The following GRM1 variants were observed in gnomAD, a reference collection of about 807,000 sequenced individuals.
GRM1 encodes glutamate metabotropic receptor 1.
In GRM1, 33 loss-of-function variants were observed where a neutral mutation model predicts 90.9. The ratio of observed to expected loss-of-function variants is 0.36; its 90% CI spans 0.28 to 0.49. The LOEUF is 0.49. Ranked by LOEUF, GRM1 falls within the 20% of genes least tolerant of loss-of-function variation. The pLI is 0.99. For synonymous variants in GRM1, 700 were observed against 613.2 expected, an observed-to-expected ratio of 1.14 and a Z score of -2.09; for missense variants, 1,190 against 1,534.3, an observed-to-expected ratio of 0.78 and a Z score of 3.75.
chr6:146,383,555 T>C (rs1776395514), intron 5 of GRM1, among the ~76,000 whole-genome samples: 1 of 152,150 alleles, frequency 6.6e-6, no homozygotes, highest in African/African-American at 2.4e-5. Flanking sequence ...GTGAATTTTT[T>C]CAGAAAAGAC....
chr6:146,375,462 T>A (rs1174492983), intron 5 of GRM1, among the ~76,000 whole-genome samples: 1 of 152,076 alleles, frequency 6.6e-6, no homozygotes, highest in Non-Finnish European at 1.5e-5. Flanking sequence ...ATTTTCTGAC[T>A]GAAAGATCTG....
At chr6:146,246,118 G>C (rs943478655) in intron 2 of GRM1, among the ~76,000 whole-genome samples, 6 of 152,178 alleles carry the variant, frequency 3.9e-5, no homozygotes, top group African/African-American at 1.4e-4. Flanking sequence ...CTGTCTCTTT[G>C]TGCTTGAAGT....
At chr6:146,121,428 C>T (rs948860610) in intron 1 of GRM1, among the ~76,000 whole-genome samples, 4 of 152,104 alleles carry the variant, frequency 2.6e-5, no homozygotes, top group African/African-American at 7.2e-5. Flanking sequence ...TTTTGTGTCT[C>T]TATCTCCTTC....
chr6:146,352,423 C>A lies in GRM1; in HGVS notation c.1360C>A (p.Leu454Ile). Residue 454 changes from leucine (L) to isoleucine (I), a missense_variant, in exon 4 of 8, where the codon CTC becomes ATC. Physicochemically the swap from Leu to Ile is conservative, Grantham distance 5 (BLOSUM62 2). Around this residue, in one of 10 missense-constraint regions of GRM1, gnomAD observed 414 missense variants for 598.4 expected, o/e 0.69. Coordinates refer to ENST00000282753, the MANE Select transcript of GRM1 (RefSeq NM_001278064.2). ...CGACGGCAGCAAGCTGCTGGACTTC[C>A]TCATCAAGTCCTCATTCATTGGAGT... ...PIDGSKLLDF[L>I]IKSSFIGVSG... 1.2e-6 allele frequency: 2 copies of A among 1,613,258 alleles called. No homozygotes were observed. The highest frequency in any genetic ancestry group is 2.7e-5 in the African/African-American group (2 of 75,054).
intron 1 of GRM1, among the ~76,000 whole-genome samples, chr6:146,127,754 T>C (rs1427063748): frequency 6.6e-6 from 1 of 152,202 alleles, no homozygotes; most frequent in Non-Finnish European, 1.5e-5. Flanking sequence ...TCAGTTTCCT[T>C]ATTTGTAAAA....
At chr6:146,356,893 G>C (rs1785604871) in intron 4 of GRM1, among the ~76,000 whole-genome samples, 1 of 152,128 alleles carries the variant, frequency 6.6e-6, no homozygotes, top group African/African-American at 2.4e-5. Context: ...TGCAGGTTTT[G>C]CCATTGTGTA....
chr6:146,278,066 T>C (rs1229886868), intron 2 of GRM1, among the ~76,000 whole-genome samples: 2 of 152,114 alleles, frequency 1.3e-5, no homozygotes. Context: ...ATCATTTGGA[T>C]TCAAGATTAA....
chr6:146,053,228 A>G (rs919199006), intron 1 of GRM1, among the ~76,000 whole-genome samples: 1 of 152,100 alleles, frequency 6.6e-6, no homozygotes, highest in Non-Finnish European at 1.5e-5. Context: ...CTTTTAAATC[A>G]TTCACTTCAC....
At chr6:146,320,627 T>C (rs991813255) in intron 3 of GRM1, among the ~76,000 whole-genome samples, 1 of 152,106 alleles carries the variant, frequency 6.6e-6, no homozygotes, top group Non-Finnish European at 1.5e-5. Context: ...AGGCTATTAA[T>C]TATTGCCTCA....
intron 2 of GRM1, among the ~76,000 whole-genome samples, chr6:146,200,626 TG>T (rs1779268617): frequency 6.6e-6 from 1 of 152,144 alleles, no homozygotes; most frequent in African/African-American, 2.4e-5. Context: ...GTATTACTTC[TG>T]GGACCCCCTG....
chr6:146,144,876 G>A (rs1188390431), intron 1 of GRM1, among the ~76,000 whole-genome samples: 2 of 152,186 alleles, frequency 1.3e-5, no homozygotes, highest in Non-Finnish European at 1.5e-5. Context: ...AACATAGATC[G>A]TAAAGGCCAT....
chr6:146,325,457 A>G (rs1459992375), intron 3 of GRM1, among the ~76,000 whole-genome samples: 1 of 152,178 alleles, frequency 6.6e-6, no homozygotes, highest in African/African-American at 2.4e-5. Flanking sequence ...TAGTACAAAG[A>G]TTGTTGAACA....
chr6:146,114,643 A>C (rs950026904), intron 1 of GRM1, among the ~76,000 whole-genome samples: 13 of 152,168 alleles, frequency 8.5e-5, no homozygotes, highest in African/African-American at 2.7e-4. Context: ...TAGTAAGTAA[A>C]AGCAGGCTGA....
intron 1 of GRM1, among the ~76,000 whole-genome samples, chr6:146,075,062 A>G (rs1236784000): frequency 1.3e-5 from 2 of 152,208 alleles, no homozygotes. Flanking sequence ...CAATGTAATC[A>G]TATATCATAA....
At chr6:146,291,400 T>A (rs1197017571) in intron 2 of GRM1, among the ~76,000 whole-genome samples, 3 of 150,940 alleles carry the variant, frequency 2.0e-5, no homozygotes, top group Non-Finnish European at 4.4e-5. Flanking sequence ...ATATATTTAT[T>A]TTATACTTTG....
chr6:146,392,472 A>G (rs1199226754), intron 6 of GRM1, among the ~76,000 whole-genome samples: 1 of 152,190 alleles, frequency 6.6e-6, no homozygotes, highest in African/African-American at 2.4e-5. Flanking sequence ...ATCTAAACTC[A>G]TGCAATCTTT....
At chr6:146,364,085 T>C (rs1775590406) in intron 5 of GRM1, among the ~76,000 whole-genome samples, 2 of 152,352 alleles carry the variant, frequency 1.3e-5, no homozygotes, top group Non-Finnish European at 2.9e-5. Context: ...CTAGGTCACA[T>C]TGTAAATCAT....
intron 3 of GRM1, among the ~76,000 whole-genome samples, chr6:146,329,483 C>T (rs1169161519): frequency 6.6e-6 from 1 of 151,926 alleles, no homozygotes; most frequent in Non-Finnish European, 1.5e-5. Context: ...CAGGGTGTTG[C>T]GAGAGATTGG....
chr6:146,368,492 A>C (rs555091240), intron 5 of GRM1, among the ~76,000 whole-genome samples: 55 of 152,174 alleles, frequency 3.6e-4, no homozygotes, highest in African/African-American at 1.2e-3. Flanking sequence ...CTATTCAGTA[A>C]AATGTCAGCT....
Sources: allele counts gnomAD v4.1 joint callset (sites outside exome capture counted in the v4.1 genomes callset), GRCh38; gene constraint gnomAD v4.1.1; regional missense constraint gnomAD v4.1.1; transcripts MANE v1.5; gene names NCBI Gene and HGNC (gene_info 2026-07-23, HGNC 2026-07-21).